NAPSA: variants seen among roughly 807,000 people sequenced by gnomAD.
NAPSA encodes the protein napsin-A.
A neutral mutation model predicts 36.7 loss-of-function variants in NAPSA; 37 were observed. That is an observed-to-expected ratio of 1.01 (90% CI 0.78 to 1.33). The LOEUF is 1.33. Among genes scored for constraint, NAPSA ranks in the 40% most tolerant of loss-of-function variants. The pLI, the probability that NAPSA is intolerant of heterozygous loss-of-function variation, is 0.00. For synonymous variants in NAPSA, 222 were observed against 234.5 expected (o/e 0.95, Z 0.49); for missense variants, 532 against 543.8 (o/e 0.98, Z 0.21).
chr19:50,358,627 C>G lies in NAPSA; in HGVS notation c.1189G>C (p.Gly397Arg). The change falls in exon 9 of 9, where the codon GGC becomes CGC. Residue 397 changes from glycine to arginine, a missense_variant. By Grantham distance (125) the Gly-to-Arg change is moderately radical (BLOSUM62 -2). This residue lies in a region of NAPSA where 385 missense variants were observed against 371.5 expected (regional missense o/e 1.04). Transcript: ENST00000253719. ...RGDMKSSARVGLARARTRGAD... is the reference protein window; with the variant it reads ...RGDMKSSARVRLARARTRGAD... ...CCGCGAGTGCGAGCGCGCGCCAGGCCCACCCGGGCGCTGCTCTTCATGTCC... is the reference window on the plus strand; with the variant it reads ...CCGCGAGTGCGAGCGCGCGCCAGGCGCACCCGGGCGCTGCTCTTCATGTCC... 6.2e-7 allele frequency: 1 copy of G among 1,612,718 alleles called. No individual in the cohort carries two copies. The highest frequency in any genetic ancestry group is 1.1e-5 in the South Asian group (1 of 91,046).
rs1358470366 is a variant in NAPSA, at chr19:50,358,711, G to T, written c.1105C>A (p.Pro369Thr). ...QALDVPPPAG[P>T]FWILGDVFLG... ...AAGACGTCACCGAGGATCCAGAAGG[G>T]CCCTGCAGGCGGAGGGACATCCAGG... The change falls in exon 9 of 9, where the codon CCC becomes ACC. Residue 369 changes from proline to threonine, a missense_variant. By Grantham distance (38) the Pro-to-Thr change is conservative. Transcript: ENST00000253719. 6.2e-7 allele frequency: 1 copy of T among 1,613,396 alleles called. No homozygotes were observed. The highest frequency in any genetic ancestry group is 8.5e-7 in the Non-Finnish European group (1 of 1,180,000).
Position 50,359,106 on chromosome 19 carries a change from TG to T in NAPSA, c.939del (p.Tyr313Ter). ...TTTGGGATTTCCGAGCACAGGATGA[TG>T]TACTGGGGGAGAAGAGGAACTAGTG... is the stretch of plus-strand genomic sequence containing the variant. ...IGGIPLLAGE[Y>X]IILCSEIPKL... On this transcript the variant is annotated frameshift_variant and splice_region_variant, in exon 8 of 9. Transcript: ENST00000253719. LOFTEE classifies it high-confidence loss of function. The T allele has an allele frequency of 1.2e-6, 2 of 1,612,344 alleles. No individual in the cohort carries two copies. Among genetic ancestry groups the T allele is most frequent in the Middle Eastern group, 1.6e-4 (1 of 6,062 alleles).
In NAPSA at chr19:50,362,505, A is replaced by AGGC; in HGVS notation, c.84-193_84-192insGCC. Reference sequence around the variant, plus strand: ...GCCATGATGACAAATATCCCCAAAGACTTTACAAGAGCAAACCATCCCAAA... The same window carrying AGGC: ...GCCATGATGACAAATATCCCCAAAGAGGCCTTTACAAGAGCAAACCATCCCAAA... On this transcript the variant is annotated intron_variant, in intron 1 of 8. Coordinates refer to ENST00000253719, the MANE Select transcript of NAPSA (RefSeq NM_004851.3). 3 of 501,762 alleles carry AGGC rather than the reference A, an allele frequency of 6.0e-6. No homozygotes were observed. In the South Asian group the frequency reaches 1.0e-4, roughly 17 times the overall value. 31.1% of individuals were successfully genotyped at this position (501,762 alleles called of 1,614,324 possible). A position where few individuals can be genotyped will look rare whatever the true frequency, so the allele number is the denominator to read the frequency against.
At chr19:50,364,856 G>A (rs1480211831) in intron 1 of NAPSA, among the ~76,000 whole-genome samples, 1 of 150,786 alleles carries the variant, frequency 6.6e-6, no homozygotes, top group Admixed American at 6.6e-5. Flanking sequence ...GCCGGGCGTG[G>A]TGGCATGTGC....
intron 7 of NAPSA, 147 bp from the exon 8 acceptor site, chr19:50,359,256 C>G: frequency 2.3e-6 from 2 of 853,208 alleles, no homozygotes; most frequent in Non-Finnish European, 3.6e-6. Context: ...CCTAGACTTA[C>G]GCAGTCCCAA....
At chr19:50,358,903 GA>G in intron 8 of NAPSA, 107 bp downstream of exon 8, 1 of 1,337,956 alleles carries the variant, frequency 7.5e-7, no homozygotes, top group Non-Finnish European at 1.0e-6. Context: ...CCATCACAGG[GA>G]AAAGAAATGT....
At chr19:50,359,443 TG>T in intron 7 of NAPSA, 59 bp downstream of exon 7, 1 of 1,606,650 alleles carries the variant, frequency 6.2e-7, no homozygotes, top group Non-Finnish European at 8.5e-7. Context: ...GGCCCTTTGA[TG>T]TTCACTGTCA....
At position 50,362,218 on chromosome 19, in the gene NAPSA, G is replaced by C. The variant is rs1323636875; in HGVS notation, c.179C>G (p.Ser60Cys). 14 of 1,613,978 alleles carry C rather than the reference G, an allele frequency of 8.7e-6. No homozygotes were observed. The highest frequency in any genetic ancestry group is 1.1e-5 in the Non-Finnish European group (13 of 1,180,000). The change falls in exon 2 of 9, where the codon TCC becomes TGC. Residue 60 changes from serine to cysteine, a missense_variant. Physicochemically the swap from Ser to Cys is moderately radical, Grantham distance 112 (BLOSUM62 -1). Coordinates refer to ENST00000253719, the MANE Select transcript of NAPSA (RefSeq NM_004851.3). ...PAELPKLGAP[S>C]PGDKPIFVPL... ...TACGAAGATGGGCTTGTCCCCAGGG[G>C]ATGGGGCCCCCAACTTGGGGAGCTC...
chr19:50,359,218 C>G (rs2037438363), intron 7 of NAPSA, 109 bp from the exon 8 acceptor site: 1 of 1,024,196 alleles, frequency 9.8e-7, no homozygotes, highest in Non-Finnish European at 1.5e-6. Flanking sequence ...CCTGGGTACT[C>G]AGCGTCCTGT....
chr19:50,361,542 A>G, intron 4 of NAPSA, 121 bp downstream of exon 4: 1 of 845,960 alleles, frequency 1.2e-6, no homozygotes, highest in Non-Finnish European at 2.0e-6. Flanking sequence ...CCTCCTCCCC[A>G]CTTGAAAAGC....
Position 50,359,492 on chromosome 19 carries a change from T to G in NAPSA, c.936+11A>C, listed in dbSNP as rs547313255. On this transcript the variant is annotated intron_variant, in intron 7 of 8. Coordinates refer to ENST00000253719, the MANE Select transcript of NAPSA (RefSeq NM_004851.3). ...CCTTCCCAGCCCGTACCCACCAGAC[T>G]GGGACCTCACCTCCCCAGCCAGCAA... The G allele has an allele frequency of 3.5e-5, 56 of 1,613,982 alleles. 1 individual carries two copies. In the South Asian group the frequency reaches 5.1e-4, roughly 15 times the overall value.
At chr19:50,361,366 T>G (rs2037470459) in intron 4 of NAPSA, 1 of 587,882 alleles carries the variant, frequency 1.7e-6, no homozygotes, top group African/African-American at 1.9e-5. Context: ...CTCCCCTGCT[T>G]GAGAAGCCCC....
rs573006832 is a variant in NAPSA at position 50,360,561 on chromosome 19, A to G, written c.668+380T>C. Among the ~76,000 whole-genome samples, 17 of 152,300 alleles carry G rather than the reference A, an allele frequency of 1.1e-4. No homozygotes were observed. In the South Asian group the frequency reaches 3.3e-3, roughly 30 times the overall value. On this transcript the variant is annotated intron_variant, in intron 5 of 8. Transcript: ENST00000253719. ...ATCGGGCAATTCCTGACTTCTGGTC[A>G]GTGTTCTCAAATGGGATTTGAGCAT... is the stretch of plus-strand genomic sequence containing the variant.
In NAPSA at chr19:50,358,640, G is replaced by T; in HGVS notation, c.1176C>A (p.Ser392Arg). 20 of 1,613,012 alleles carry T rather than the reference G, an allele frequency of 1.2e-5. No homozygotes were observed. Among genetic ancestry groups the T allele is most frequent in the Non-Finnish European group, 1.7e-5 (20 of 1,179,902 alleles). Residue 392 changes from serine to arginine, a missense_variant, in exon 9 of 9, where the codon AGC (serine) becomes AGA (arginine). Coordinates refer to ENST00000253719, the MANE Select transcript of NAPSA (RefSeq NM_004851.3). The stretch of plus-strand genomic sequence containing the variant: ...CGCGCGCCAGGCCCACCCGGGCGCT[G>T]CTCTTCATGTCCCCGCGGTCGAAGA... ...VAVFDRGDMK[S>R]SARVGLARAR...
chr19:50,362,199 G>C lies in NAPSA; in HGVS notation c.198C>G (p.Ile66Met). 1 of 1,613,932 alleles carries C rather than the reference G, an allele frequency of 6.2e-7. No individual in the cohort carries two copies. The highest frequency in any genetic ancestry group is 8.5e-7 in the Non-Finnish European group (1 of 1,179,900). The change falls in exon 2 of 9, where the codon ATC becomes ATG. Residue 66 changes from isoleucine to methionine, a missense_variant. Ile to Met is a conservative substitution (Grantham distance 10). Transcript: ENST00000253719. ...CCCTGTAGTTCGAGAGAGGTACGAA[G>C]ATGGGCTTGTCCCCAGGGGATGGGG... ...LGAPSPGDKP[I>M]FVPLSNYRDV... is the part of the protein sequence containing the mutation.
At chr19:50,363,991 T>G (rs1431301847) in intron 1 of NAPSA, among the ~76,000 whole-genome samples, 1 of 152,030 alleles carries the variant, frequency 6.6e-6, no homozygotes, top group East Asian at 1.9e-4. Context: ...TACCTAATCA[T>G]CAGAGCTCAT....
In NAPSA at chr19:50,361,980, C is replaced by G; in HGVS notation, c.338G>C (p.Ser113Thr). ...WVPSRRCHFFSVPCWLHHRFD... is the reference protein window; with the variant it reads ...WVPSRRCHFFTVPCWLHHRFD... Reference sequence around the variant, plus strand: ...ACATAGAAGCTCACAGCAGGGCACACTGAAGAAGTGGCATCTCCTGGACGG... The same window carrying G: ...ACATAGAAGCTCACAGCAGGGCACAGTGAAGAAGTGGCATCTCCTGGACGG... Residue 113 changes from serine (S) to threonine (T), a missense_variant, in exon 3 of 9, where the codon AGT becomes ACT. Physicochemically the swap from Ser to Thr is moderately conservative, Grantham distance 58. Around this residue, in one of 3 missense-constraint regions of NAPSA, gnomAD observed 45 missense variants for 78.7 expected, o/e 0.57. Transcript: ENST00000253719. The G allele has an allele frequency of 6.3e-7, 1 of 1,597,198 alleles. No homozygotes were observed. The highest frequency in any genetic ancestry group is 8.5e-7 in the Non-Finnish European group (1 of 1,171,800).
intron 6 of NAPSA, 37 bp from the exon 7 acceptor site, chr19:50,359,684 C>A (rs753531339): frequency 1.2e-6 from 2 of 1,614,198 alleles, no homozygotes; most frequent in Non-Finnish European, 1.7e-6. Flanking sequence ...AGGCAGGGTC[C>A]TAGGAGTCCA....
rs772095890 is a variant in NAPSA, at chr19:50,362,328, G to A, written c.84-15C>T. ...GAAGAGGGATGCTGTAGGGAAAGAGGATATTGACAGGAAGCTGCCCTTCTT... is the reference window on the plus strand; with the variant it reads ...GAAGAGGGATGCTGTAGGGAAAGAGAATATTGACAGGAAGCTGCCCTTCTT... On this transcript the variant is annotated splice_polypyrimidine_tract_variant and intron_variant, in intron 1 of 8. Coordinates refer to ENST00000253719, the MANE Select transcript of NAPSA (RefSeq NM_004851.3). 1.3e-6 allele frequency: 2 copies of A among 1,580,460 alleles called. No individual in the cohort carries two copies. Among genetic ancestry groups the A allele is most frequent in the Non-Finnish European group, 8.6e-7 (1 of 1,162,900 alleles).
Sources: gnomAD v4.1 joint callset for allele counts (sites outside exome capture counted in the v4.1 genomes callset) on GRCh38, gnomAD v4.1.1 for gene constraint, gnomAD v4.1.1 regional missense constraint, MANE v1.5 for transcripts, NCBI Gene and HGNC (gene_info 2026-07-23, HGNC 2026-07-21) for gene names.